SELP: variants seen among roughly 807,000 people sequenced by gnomAD.
SELP encodes selectin P.
SELP carries 92 observed loss-of-function variants against 104.1 expected under a neutral mutation model. The ratio of observed to expected loss-of-function variants is 0.88; its 90% confidence interval spans 0.75 to 1.05. The LOEUF is 1.05. Ranked by LOEUF, SELP falls within the 50% of genes least tolerant of loss-of-function variation. The pLI is 0.00. For synonymous variants in SELP, 397 were observed against 364.5 expected, an observed-to-expected ratio of 1.09 and a Z score of -1.01; for missense variants, 1,022 against 1,017.3, an observed-to-expected ratio of 1.00 and a Z score of -0.06.
At chr1:169,613,190 C>T in intron 4 of SELP, 76 bp from the exon 5 acceptor site, 10 of 1,359,384 alleles carry the variant, frequency 7.4e-6, no homozygotes, top group Non-Finnish European at 9.9e-6. Flanking sequence ...AAAGCTGTAA[C>T]TATTTGTGTA....
chr1:169,626,111 A>C (rs114086637), intron 1 of SELP, among the ~76,000 whole-genome samples: 1 of 152,204 alleles, frequency 6.6e-6, no homozygotes, highest in African/African-American at 2.4e-5. Context: ...AGAAAAAGCT[A>C]TTTCAAAGGC....
intron 5 of SELP, 44 bp from the exon 6 acceptor site, chr1:169,612,446 T>G (rs1282194763): frequency 1.3e-6 from 2 of 1,597,426 alleles, no homozygotes; most frequent in Admixed American, 3.4e-5. Context: ...TTGGACAAAT[T>G]TTGTCCATCA....
chr1:169,618,245 G>A (rs551949730), intron 2 of SELP, among the ~76,000 whole-genome samples: 109 of 152,262 alleles, frequency 7.2e-4, no homozygotes, highest in Non-Finnish European at 1.4e-3. Flanking sequence ...GGCAGAACCC[G>A]GGTGGGAAAT....
chr1:169,616,704 T>C (rs1048886172), intron 3 of SELP, among the ~76,000 whole-genome samples: 1 of 152,160 alleles, frequency 6.6e-6, no homozygotes, highest in South Asian at 2.1e-4. Flanking sequence ...GGGAGACTGG[T>C]TTCTGGTCCT....
At position 169,605,842 on chromosome 1, in the gene SELP, C is replaced by T. The variant is rs565309129; in HGVS notation, c.1519+1107G>A. ...CAGATTTTTATAAATGAAAATCTTG[C>T]GTTTAAAAAGCAGCATTGTCTATAA... On this transcript the variant is annotated intron_variant, in intron 9 of 16. Coordinates refer to ENST00000263686, the MANE Select transcript of SELP (RefSeq NM_003005.4). Among the ~76,000 whole-genome samples the T allele has an allele frequency of 6.2e-4, 94 of 152,064 alleles. 1 individual carries two copies. In the South Asian group the frequency reaches 0.018, roughly 30 times the overall value.
At position 169,588,972 on chromosome 1, in the gene SELP, G is replaced by T. The variant is rs1295283924; in HGVS notation, c.*491C>A. 1 of 152,130 alleles carries T rather than the reference G, an allele frequency of 6.6e-6. No individual in the cohort carries two copies. The highest frequency in any genetic ancestry group is 1.5e-5 in the Non-Finnish European group (1 of 68,030). 9.4% of individuals were successfully genotyped at this position (152,130 alleles called of 1,614,324 possible). ...CTTCTAGCTTGATTCTTGGCCTTCT[G>T]CAGCCTCTGGTGCCATCCAGAGGAC... On this transcript the variant is annotated 3_prime_UTR_variant, in exon 17 of 17. Transcript: ENST00000263686.
Position 169,611,694 on chromosome 1 carries a change from A to C in SELP, c.962-17T>G. The C allele has an allele frequency of 6.2e-7, 1 of 1,609,060 alleles. No individual in the cohort carries two copies. Among genetic ancestry groups the C allele is most frequent in the African/African-American group, 1.4e-5 (1 of 74,050 alleles). On this transcript the variant is annotated splice_polypyrimidine_tract_variant and intron_variant, in intron 6 of 16. Coordinates refer to ENST00000263686, the MANE Select transcript of SELP (RefSeq NM_003005.4). ...ACTGCACAGCTGGAGAGAATAACCA[A>C]GGATAAAGAGAAAGATACTGAGAAA...
intron 3 of SELP, among the ~76,000 whole-genome samples, chr1:169,614,233 C>T: frequency 6.6e-6 from 1 of 152,232 alleles, no homozygotes; most frequent in East Asian, 1.9e-4. Flanking sequence ...TGCTTCAAAT[C>T]TATGTCCAGA....
chr1:169,619,258 C>T (rs2101919230), intron 1 of SELP, 39 bp from the exon 2 acceptor site: 1 of 1,433,786 alleles, frequency 7.0e-7, no homozygotes, highest in Non-Finnish European at 9.8e-7. Flanking sequence ...AGTATCCATA[C>T]ACCACCAACA....
In SELP at chr1:169,590,202, G is replaced by A; in HGVS notation, c.2439C>T (p.Ser813=). 1 of 1,611,640 alleles carries A rather than the reference G, an allele frequency of 6.2e-7. No individual in the cohort carries two copies. The highest frequency in any genetic ancestry group is 8.5e-7 in the Non-Finnish European group (1 of 1,177,882). The change falls in exon 16 of 17, where the codon AGC becomes AGT. Residue 813 remains serine, a splice_region_variant and synonymous_variant. Transcript: ENST00000263686. The part of the protein sequence containing the change: ...DDGKCPLNPH[S]HLGTYGVFTN... The stretch of plus-strand genomic sequence containing the variant: ...TAAAAACTCCATATGTTCCTAGGTG[G>A]CTAAAGAACAGAAACACAAGGATGG...
chr1:169,622,170 T>C (rs1426644974), intron 1 of SELP, among the ~76,000 whole-genome samples: 1 of 152,230 alleles, frequency 6.6e-6, no homozygotes, highest in Non-Finnish European at 1.5e-5. Flanking sequence ...CAGAGATGAT[T>C]CGAAATATTG....
chr1:169,600,687 C>T (rs759382704), intron 10 of SELP, among the ~76,000 whole-genome samples: 1 of 152,112 alleles, frequency 6.6e-6, no homozygotes, highest in Non-Finnish European at 1.5e-5. Context: ...TAGAACTCTG[C>T]AAAACACCAT....
intron 1 of SELP, among the ~76,000 whole-genome samples, chr1:169,627,559 A>G (rs1663432526): frequency 6.6e-6 from 1 of 152,228 alleles, no homozygotes; most frequent in Non-Finnish European, 1.5e-5. Context: ...TTTTTAATCA[A>G]AAAGATTAGA....
chr1:169,594,876 A>T lies in SELP; in HGVS notation c.2103T>A (p.Ala701=), dbSNP rs755241647. The change falls in exon 13 of 17, where the codon GCT becomes GCA. Residue 701 remains alanine, a splice_region_variant and synonymous_variant. Coordinates refer to ENST00000263686, the MANE Select transcript of SELP (RefSeq NM_003005.4). ...QWTAVTPACR[A]VKCSELHVNK... ...TAACATGTAGTTCTGAGCATTTCAC[A>T]GCTGCAGAAAAGAAATAATGCAAGA... 6.2e-7 allele frequency: 1 copy of T among 1,609,010 alleles called. No homozygotes were observed. The highest frequency in any genetic ancestry group is 1.1e-5 in the South Asian group (1 of 90,560).
At chr1:169,608,401 A>C (rs1662310443) in intron 8 of SELP, among the ~76,000 whole-genome samples, 1 of 151,956 alleles carries the variant, frequency 6.6e-6, no homozygotes, top group African/African-American at 2.4e-5. Flanking sequence ...CCTCCGTTCT[A>C]CTTTCTGTCT....
chr1:169,596,257 C>T (rs2101870734), intron 11 of SELP, 123 bp from the exon 12 acceptor site: 2 of 828,056 alleles, frequency 2.4e-6, no homozygotes, highest in Non-Finnish European at 3.9e-6. Context: ...CCTGCAAGAG[C>T]TATTTAAGGA....
rs779947394 is a variant in SELP, at chr1:169,620,795, T to TTGTGTGTGTGTG, written c.4-1588_4-1577dup. On this transcript the variant is annotated intron_variant, in intron 1 of 16. Coordinates refer to ENST00000263686, the MANE Select transcript of SELP (RefSeq NM_003005.4). ...GTAGGGTGCATGGGACGGTGTGGGG[T>TTGTGTGTGTGTG]TGTGTGTGTGTGTGTGTGTGTGTGT... Among the ~76,000 whole-genome samples the TTGTGTGTGTGTG allele has an allele frequency of 6.2e-4, 69 of 110,932 alleles. 1 individual carries two copies. The highest frequency in any genetic ancestry group is 3.5e-3 in the South Asian group (11 of 3,104). The allele number at this position is 110,932 out of a possible 152,430, so 72.8% of individuals were successfully genotyped here. A position where few individuals can be genotyped will look rare whatever the true frequency, so the allele number is the denominator to read the frequency against.
At chr1:169,609,482 A>T (rs1250913204) in intron 8 of SELP, 22 bp downstream of exon 8, 1 of 1,597,544 alleles carries the variant, frequency 6.3e-7, no homozygotes, top group South Asian at 1.1e-5. Flanking sequence ...CACACAGAAA[A>T]ACATTACCAC....
At chr1:169,593,806 A>G (rs1026829132) in intron 13 of SELP, 82 bp from the exon 14 acceptor site, 3 of 1,449,908 alleles carry the variant, frequency 2.1e-6, no homozygotes, top group Middle Eastern at 3.5e-4. Context: ...GAAAGTTTTC[A>G]AGAACTCTAA....
Sources: gnomAD v4.1 joint callset for allele counts (sites outside exome capture counted in the v4.1 genomes callset) on GRCh38, gnomAD v4.1.1 for gene constraint, MANE v1.5 for transcripts, NCBI Gene and HGNC (gene_info 2026-07-23, HGNC 2026-07-21) for gene names.